Variants in WDR59 observed in about 807,000 individuals in gnomAD.
WDR59 encodes the protein WD repeat domain 59.
A neutral mutation model predicts 131.2 loss-of-function variants in WDR59; 100 were observed. The observed-to-expected ratio is 0.76, with a 90% CI of 0.65 to 0.90. The LOEUF is 0.90. Ranked by LOEUF, WDR59 falls within the 40% of genes least tolerant of loss-of-function variation. The probability of loss-of-function intolerance (pLI) is 0.00; values close to 1 mark genes in which losing one functional copy is unlikely to be tolerated. For missense variants in WDR59, 1,203 were observed against 1,262.2 expected (o/e 0.95, Z 0.71); for synonymous variants, 601 against 466.2 (o/e 1.29, Z -3.72).
chr16:74,956,659 A>G, intron 2 of WDR59, 49 bp from the exon 3 acceptor site: 1 of 1,593,840 alleles, frequency 6.3e-7, no homozygotes, highest in Non-Finnish European at 8.6e-7. Context: ...CAACATCATT[A>G]GCATTAAGAT....
rs55817348 is a variant in WDR59, at chr16:74,973,315, C to CGG, written c.55-7495_55-7494dup. Among the ~76,000 whole-genome samples the CGG allele has an allele frequency of 6.4e-3, 979 of 151,940 alleles. 16 individuals are homozygous for CGG. The highest frequency in any genetic ancestry group is 0.022 in the African/African-American group (931 of 41,442). ...GTTTTGCTTTTTAGATTGGGGTTGG[C>CGG]GGGGGGGCCGGTCTCTCTCCATCAC... On this transcript the variant is annotated intron_variant, in intron 1 of 25. Transcript: ENST00000262144.
At chr16:74,889,843 T>C in intron 20 of WDR59, 28 bp from the exon 21 acceptor site, 3 of 1,568,384 alleles carry the variant, frequency 1.9e-6, no homozygotes, top group Non-Finnish European at 1.7e-6. Flanking sequence ...AAATACAAAC[T>C]CAAACTGGCA....
intron 19 of WDR59, 70 bp downstream of exon 19, chr16:74,893,609 C>CA (rs10718591): frequency 0.032 from 38,551 of 1,208,478 alleles, 1 homozygote; most frequent in East Asian, 0.051. Flanking sequence ...TTCCCACACT[C>CA]AAAAAAAAAA....
intron 10 of WDR59, 101 bp downstream of exon 10, chr16:74,921,846 C>G (rs1001279439): frequency 7.0e-7 from 1 of 1,423,856 alleles, no homozygotes; most frequent in Non-Finnish European, 9.4e-7. Context: ...TAAAGCCCAG[C>G]TCTCTCTATG....
At chr16:74,916,022 G>C in intron 12 of WDR59, 28 bp from the exon 13 acceptor site, 2 of 1,614,036 alleles carry the variant, frequency 1.2e-6, no homozygotes, top group Non-Finnish European at 1.7e-6. Context: ...TTCAATGTTG[G>C]AAAGCATTTT....
chr16:74,900,833 A>C (rs1965514919), intron 18 of WDR59, among the ~76,000 whole-genome samples: 1 of 152,232 alleles, frequency 6.6e-6, no homozygotes, highest in South Asian at 2.1e-4. Flanking sequence ...AATACACTAC[A>C]CTGGGCCGGG....
intron 3 of WDR59, among the ~76,000 whole-genome samples, chr16:74,955,987 C>T (rs1404963769): frequency 6.6e-6 from 1 of 152,032 alleles, no homozygotes; most frequent in African/African-American, 2.4e-5. Context: ...TAAACAGGCA[C>T]ATAGAATTTG....
intron 1 of WDR59, among the ~76,000 whole-genome samples, chr16:74,969,181 T>G (rs969865675): frequency 2.6e-5 from 4 of 152,174 alleles, no homozygotes; most frequent in African/African-American, 9.7e-5. Context: ...CTGCTGGGGA[T>G]TAAAGACAGG....
intron 14 of WDR59, among the ~76,000 whole-genome samples, chr16:74,911,013 G>A (rs1053262718): frequency 2.2e-4 from 33 of 152,056 alleles, no homozygotes; most frequent in African/African-American, 7.7e-4. Context: ...ACAGGCATGC[G>A]CCACCACGCC....
intron 8 of WDR59, among the ~76,000 whole-genome samples, chr16:74,927,587 C>CAAAAAA (rs370386044): frequency 1.7e-5 from 1 of 57,958 alleles, no homozygotes; most frequent in Non-Finnish European, 2.8e-5. Flanking sequence ...GACTCCATCT[C>CAAAAAA]AAAAAAAAAA....
At position 74,965,664 on chromosome 16, in the gene WDR59, C is replaced by A. The variant is rs879086477; in HGVS notation, c.104+109G>T. The A allele has an allele frequency of 3.0e-6, 4 of 1,350,814 alleles. No individual in the cohort carries two copies. In the South Asian group the frequency reaches 4.8e-5, roughly 16 times the overall value. 83.7% of individuals were successfully genotyped at this position (1,350,814 alleles called of 1,614,324 possible). A position where few individuals can be genotyped will look rare whatever the true frequency, so the allele number is the denominator to read the frequency against. On this transcript the variant is annotated intron_variant, in intron 2 of 25. Transcript: ENST00000262144. Reference sequence around the variant, plus strand: ...GGCAAACAGGATATCAGAACTAAACCCTATGATCATAATCCGTAAATATAA... The same window carrying A: ...GGCAAACAGGATATCAGAACTAAACACTATGATCATAATCCGTAAATATAA...
At chr16:74,984,276 CA>C (rs1168637261) in intron 1 of WDR59, among the ~76,000 whole-genome samples, 8 of 151,234 alleles carry the variant, frequency 5.3e-5, no homozygotes, top group South Asian at 2.1e-4. Context: ...CTCTCCATCT[CA>C]AAAAAAATAA....
intron 7 of WDR59, among the ~76,000 whole-genome samples, chr16:74,942,274 T>C (rs372011032): frequency 2.1e-4 from 32 of 152,246 alleles, no homozygotes; most frequent in African/African-American, 6.7e-4. Flanking sequence ...ATGAGCACCC[T>C]ACCTTGCTCA....
At chr16:74,882,422 T>A (rs1467767638) in intron 25 of WDR59, among the ~76,000 whole-genome samples, 1 of 152,140 alleles carries the variant, frequency 6.6e-6, no homozygotes, top group Non-Finnish European at 1.5e-5. Context: ...ACCTACGTAT[T>A]ATTCTAGTTT....
chr16:74,969,977 G>A (rs898853941), intron 1 of WDR59, among the ~76,000 whole-genome samples: 12 of 151,820 alleles, frequency 7.9e-5, no homozygotes, highest in African/African-American at 2.9e-4. Flanking sequence ...AGACTGGAGT[G>A]CAGTGGCTCA....
chr16:74,943,779 G>A (rs984231661), intron 6 of WDR59, among the ~76,000 whole-genome samples: 1 of 152,154 alleles, frequency 6.6e-6, no homozygotes, highest in African/African-American at 2.4e-5. Flanking sequence ...GATCCAAGAA[G>A]TCCAGAGTAG....
chr16:74,948,681 T>C (rs2032802295), intron 5 of WDR59, 125 bp from the exon 6 acceptor site: 1 of 781,742 alleles, frequency 1.3e-6, no homozygotes, highest in Admixed American at 1.9e-5. Context: ...GTAGATCCGC[T>C]GTGAGGGCCT....
In WDR59 at chr16:74,964,056, A is replaced by T. The variant is rs79005987; in HGVS notation, c.104+1717T>A. 3.9e-3 allele frequency among the ~76,000 whole-genome samples: 595 copies of T among 152,158 alleles called. 4 individuals carry two copies. The highest frequency in any genetic ancestry group is 0.013 in the African/African-American group (538 of 41,538). Reference sequence around the variant, plus strand: ...AAAAAGAAAAAAAGAAAGAAAATGAAATATAAAGATTCAAGATCATGTTGA... The same window carrying T: ...AAAAAGAAAAAAAGAAAGAAAATGATATATAAAGATTCAAGATCATGTTGA... On this transcript the variant is annotated intron_variant, in intron 2 of 25. Coordinates refer to ENST00000262144, the MANE Select transcript of WDR59 (RefSeq NM_030581.4).
intron 10 of WDR59, among the ~76,000 whole-genome samples, chr16:74,920,148 T>C (rs1202284430): frequency 1.3e-5 from 2 of 151,972 alleles, no homozygotes; most frequent in African/African-American, 2.4e-5. Flanking sequence ...GAGAAAGAAG[T>C]AAAATACAGA....
Sources: allele counts gnomAD v4.1 joint callset (sites outside exome capture counted in the v4.1 genomes callset), GRCh38; gene constraint gnomAD v4.1.1; transcripts MANE v1.5; gene names NCBI Gene and HGNC (gene_info 2026-07-23, HGNC 2026-07-21).